The following ZNF333 variants were observed in gnomAD, a reference collection of about 807,000 sequenced individuals.
ZNF333 encodes the protein zinc finger protein 333.
A neutral mutation model predicts 76.1 loss-of-function variants in ZNF333; 61 were observed. That is an observed-to-expected ratio of 0.80 (90% CI 0.65 to 0.99). The LOEUF (loss-of-function observed/expected upper bound fraction) is 0.99, where lower values mean the gene tolerates loss of function less well. Among genes scored for constraint, ZNF333 ranks in the 50% least tolerant of loss-of-function variants. The pLI is 0.00. For synonymous variants in ZNF333, 284 were observed against 305.0 expected, an observed-to-expected ratio of 0.93 and a Z score of 0.72; for missense variants, 717 against 822.4, an observed-to-expected ratio of 0.87 and a Z score of 1.57.
intron 1 of ZNF333, among the ~76,000 whole-genome samples, chr19:14,691,399 AG>A (rs772376618): frequency 1.3e-5 from 2 of 152,210 alleles, no homozygotes; most frequent in Non-Finnish European, 2.9e-5. Context: ...ATTCAAATTG[AG>A]TTGGCCATAA....
chr19:14,715,473 A>C lies in ZNF333; in HGVS notation c.600+3A>C. On this transcript the variant is annotated splice_donor_region_variant and intron_variant, in intron 8 of 11. Coordinates refer to ENST00000292530, the MANE Select transcript of ZNF333 (RefSeq NM_032433.4). ...GGCTGCCAACCGCCTGTTCACAGGT[A>C]GGTAAGAACTTCTTGTTCTAAAAGA... 1 of 1,613,586 alleles carries C rather than the reference A, an allele frequency of 6.2e-7. No individual in the cohort carries two copies. Among genetic ancestry groups the C allele is most frequent in the Non-Finnish European group, 8.5e-7 (1 of 1,179,640 alleles).
chr19:14,709,059 T>C (rs1326554957), intron 7 of ZNF333: 4 of 152,384 alleles, frequency 2.6e-5, no homozygotes, highest in Non-Finnish European at 5.9e-5. Context: ...GAGTGAGTTC[T>C]CACGAGATCT....
chr19:14,707,871 G>A (rs1333282645), intron 7 of ZNF333: 2 of 396,392 alleles, frequency 5.0e-6, no homozygotes, highest in Admixed American at 4.4e-5. Context: ...TTTCTTAAAA[G>A]TGCCATCCAC....
At position 14,699,252 on chromosome 19, in the gene ZNF333, GA is replaced by G; in HGVS notation, c.279del (p.Glu94LysfsTer15). The G allele has an allele frequency of 6.2e-7, 1 of 1,613,828 alleles. No individual in the cohort carries two copies. Among genetic ancestry groups the G allele is most frequent in the East Asian group, 2.2e-5 (1 of 44,858 alleles). ...EELPSMQDLL[E>X]EASSRDMQMG... is the part of the protein sequence containing the mutation. ...GTTGCCTTCTATGCAGGATCTTTTG[GA>G]AGAAGCATCCTCCAGGGACATGCAA... On this transcript the variant is annotated frameshift_variant, in exon 5 of 12. Transcript: ENST00000292530. LOFTEE classifies it high-confidence loss of function.
chr19:14,695,068 A>C lies in ZNF333; in HGVS notation c.62A>C (p.Asp21Ala), dbSNP rs745816858. ...VEFIQEWALL[D>A]SARRSLCKYR... ...TTCATCCAGGAGTGGGCATTGCTGG[A>C]CAGCGCACGGAGGAGCCTGTGCAAA... The change falls in exon 3 of 12, where the codon GAC (aspartate) becomes GCC (alanine). Residue 21 changes from aspartate to alanine, a missense_variant. Coordinates refer to ENST00000292530, the MANE Select transcript of ZNF333 (RefSeq NM_032433.4). The C allele has an allele frequency of 6.2e-7, 1 of 1,614,100 alleles. No homozygotes were observed. The highest frequency in any genetic ancestry group is 2.2e-5 in the East Asian group (1 of 44,874).
chr19:14,729,470 C>T (rs2147048634), intron 11 of ZNF333, among the ~76,000 whole-genome samples: 1 of 152,118 alleles, frequency 6.6e-6, no homozygotes, highest in East Asian at 1.9e-4. Context: ...GTGATCCTTC[C>T]TCCTCAGCCT....
rs1374975790 is a variant in ZNF333, at chr19:14,719,941, T to C, written c.*616T>C. The stretch of plus-strand genomic sequence containing the variant: ...TGGCTCATGCCTCTAATCCCAGCAC[T>C]TTGGGAGGCTGAGGCTGGGGGATCA... On this transcript the variant is annotated 3_prime_UTR_variant, in exon 12 of 12. Coordinates refer to ENST00000292530, the MANE Select transcript of ZNF333 (RefSeq NM_032433.4). The C allele has an allele frequency of 2.0e-6, 2 of 981,018 alleles. No individual in the cohort carries two copies. The highest frequency in any genetic ancestry group is 1.2e-6 in the Non-Finnish European group (1 of 826,154). The allele number at this position is 981,018 out of a possible 1,614,324, so 60.8% of individuals were successfully genotyped here.
rs902353746 is a variant in ZNF333, at chr19:14,720,899, A to T, written c.*1574A>T. On this transcript the variant is annotated 3_prime_UTR_variant, in exon 12 of 12. Coordinates refer to ENST00000292530, the MANE Select transcript of ZNF333 (RefSeq NM_032433.4). The stretch of plus-strand genomic sequence containing the variant: ...AGTTTTTAAATTTATGTATATACAT[A>T]CATATATATGTTTTGAAGCAATGAA... 3.4e-6 allele frequency: 3 copies of T among 876,856 alleles called. No homozygotes were observed. Among genetic ancestry groups the T allele is most frequent in the Non-Finnish European group, 4.1e-6 (3 of 731,372 alleles). 54.3% of individuals were successfully genotyped at this position (876,856 alleles called of 1,614,324 possible). A position where few individuals can be genotyped will look rare whatever the true frequency, so the allele number is the denominator to read the frequency against.
chr19:14,733,590 C>T (rs1238202320), exon 12 of ZNF333: 10 of 151,770 alleles, frequency 6.6e-5, no homozygotes, highest in African/African-American at 2.2e-4. Flanking sequence ...ATAAGCACAA[C>T]AAAAAAAACA....
Position 14,719,756 on chromosome 19 carries a change from G to T in ZNF333, c.*431G>T, listed in dbSNP as rs11666622. ...GAGTATGTGGCCTCTTTGTTACTGA[G>T]TCATAGGTATTTGCTGAGATTTGCT... On this transcript the variant is annotated 3_prime_UTR_variant, in exon 12 of 12. Transcript: ENST00000292530. 525,089 of 991,768 alleles carry T rather than the reference G, an allele frequency of 0.53. 139,840 individuals carry two copies. Among genetic ancestry groups the T allele is most frequent in the East Asian group, 0.76 (6,749 of 8,928 alleles). The allele number at this position is 991,768 out of a possible 1,614,324, so 61.4% of individuals were successfully genotyped here.
rs141991794 is a variant in ZNF333, at chr19:14,705,091, C to T, written c.344C>T (p.Ser115Phe). The T allele has an allele frequency of 1.6e-5, 26 of 1,613,940 alleles. No homozygotes were observed. Among genetic ancestry groups the T allele is most frequent in the Middle Eastern group, 1.6e-4 (1 of 6,062 alleles). Residue 115 changes from serine (S) to phenylalanine (F), a missense_variant, in exon 6 of 12, where the codon TCC becomes TTC. Coordinates refer to ENST00000292530, the MANE Select transcript of ZNF333 (RefSeq NM_032433.4). ...TTCCTGAGGATGCAGCTGGTGCCCT[C>T]CATAGAAGAGAGGGAGACACCATTG... The part of the protein sequence containing the change: ...GLFLRMQLVP[S>F]IEERETPLTR...
At chr19:14,726,499 C>T (rs1447912087), downstream of ZNF333, among the ~76,000 whole-genome samples, 1 of 152,120 alleles carries the variant, frequency 6.6e-6, no homozygotes, top group Non-Finnish European at 1.5e-5. Context: ...GAGAATTTTC[C>T]AAGTTTTTAT....
intron 7 of ZNF333, among the ~76,000 whole-genome samples, chr19:14,711,692 A>G (rs2042280312): frequency 6.6e-6 from 1 of 152,120 alleles, no homozygotes; most frequent in Admixed American, 6.6e-5. Flanking sequence ...ATTTATATTG[A>G]GGAGGTTGAG....
At chr19:14,722,544 C>T (rs2042602085), downstream of ZNF333, among the ~76,000 whole-genome samples, 1 of 152,146 alleles carries the variant, frequency 6.6e-6, no homozygotes. Context: ...AATATTTTCT[C>T]CCATTCTAGG....
Position 14,715,412 on chromosome 19 carries a change from A to G in ZNF333, c.542A>G (p.Gln181Arg), listed in dbSNP as rs1402453062. The G allele has an allele frequency of 2.5e-6, 4 of 1,614,028 alleles. No individual in the cohort carries two copies. Among genetic ancestry groups the G allele is most frequent in the Admixed American group, 3.3e-5 (2 of 60,014 alleles). The change falls in exon 8 of 12, where the codon CAG becomes CGG. Residue 181 changes from glutamine (Q) to arginine (R), a missense_variant. Coordinates refer to ENST00000292530, the MANE Select transcript of ZNF333 (RefSeq NM_032433.4). ...AVPARDPAWL[Q>R]EDKVEEEAMA... ...CCTGCACGTGACCCTGCCTGGCTTC[A>G]GGAGGACAAAGTGGAGGAAGAAGCT...
In ZNF333 at chr19:14,718,654, A is replaced by G; in HGVS notation, c.1327A>G (p.Asn443Asp). 6.2e-7 allele frequency: 1 copy of G among 1,613,948 alleles called. No homozygotes were observed. Among genetic ancestry groups the G allele is most frequent in the Non-Finnish European group, 8.5e-7 (1 of 1,180,042 alleles). The change falls in exon 12 of 12, where the codon AAC becomes GAC. Residue 443 changes from asparagine (N) to aspartate (D), a missense_variant. By Grantham distance (23) the Asn-to-Asp change is conservative. Coordinates refer to ENST00000292530, the MANE Select transcript of ZNF333 (RefSeq NM_032433.4). ...RNFNLILHQRNHTGEKPYECK... is the reference protein window; with the variant it reads ...RNFNLILHQRDHTGEKPYECK... The stretch of plus-strand genomic sequence containing the variant: ...CTTTAACCTGATTTTGCACCAGAGA[A>G]ACCACACAGGAGAGAAGCCCTACGA...
At chr19:14,690,441 G>A (rs888944604) in intron 1 of ZNF333, among the ~76,000 whole-genome samples, 1 of 152,230 alleles carries the variant, frequency 6.6e-6, no homozygotes, top group African/African-American at 2.4e-5. Flanking sequence ...ACCGGCCCCA[G>A]CTCTCACCTG....
rs1474955530 is a variant in ZNF333 at position 14,693,427 on chromosome 19, A to G, written c.-41-24A>G. ...TGCTTCCGTCCTCACCCCTTCTTTT[A>G]CCTCAGTGTCTCCTTTATTGCAGGG... On this transcript the variant is annotated intron_variant, in intron 1 of 11. Coordinates refer to ENST00000292530, the MANE Select transcript of ZNF333 (RefSeq NM_032433.4). 1.9e-6 allele frequency: 3 copies of G among 1,563,486 alleles called. No homozygotes were observed. In the East Asian group the frequency reaches 6.8e-5, roughly 35 times the overall value.
In ZNF333 at chr19:14,691,676, C is replaced by CTTTTTTTTTTT. The variant is rs71166784; in HGVS notation, c.-42+1534_-42+1544dup. On this transcript the variant is annotated intron_variant, in intron 1 of 11. Transcript: ENST00000292530. ...TTTGATTTTTATGGTGTCATATTGT[C>CTTTTTTTTTTT]TTTTTTTTTTTTTTTTTTGAGACAG... 8.2e-5 allele frequency among the ~76,000 whole-genome samples: 10 copies of CTTTTTTTTTTT among 121,964 alleles called. 1 individual carries two copies. The highest frequency in any genetic ancestry group is 2.5e-4 in the East Asian group (1 of 4,072). The allele number at this position is 121,964 out of a possible 152,430, so 80.0% of individuals were successfully genotyped here.
Sources: allele counts gnomAD v4.1 joint callset (sites outside exome capture counted in the v4.1 genomes callset), GRCh38; gene constraint gnomAD v4.1.1; transcripts MANE v1.5; gene names NCBI Gene and HGNC (gene_info 2026-07-23, HGNC 2026-07-21).